TBC1D4: variants seen among roughly 807,000 people sequenced by gnomAD.
TBC1D4 encodes the protein TBC (Tre-2, BUB2, CDC16) domain-containing protein.
A neutral mutation model predicts 142.5 loss-of-function variants in TBC1D4; 121 were observed. The observed-to-expected ratio is 0.85, with a 90% CI of 0.73 to 0.99. The LOEUF is 0.99. Ranked by LOEUF, TBC1D4 falls within the 50% of genes least tolerant of loss-of-function variation. The pLI is 0.00. For synonymous variants in TBC1D4, 630 were observed against 628.2 expected (o/e 1.00, Z -0.04); for missense variants, 1,475 against 1,606.6 (o/e 0.92, Z 1.40).
At chr13:75,467,838 A>G (rs928674408) in intron 1 of TBC1D4, among the ~76,000 whole-genome samples, 16 of 152,226 alleles carry the variant, frequency 1.1e-4, no homozygotes, top group African/African-American at 3.9e-4. Flanking sequence ...TAAAATACAT[A>G]CAAGAGCAGT....
In TBC1D4 at chr13:75,285,474, G is replaced by A. The variant is rs1874580531; in HGVS notation, c.*1318C>T. The A allele has an allele frequency of 6.6e-6, 1 of 152,420 alleles. No individual in the cohort carries two copies. Among genetic ancestry groups the A allele is most frequent in the Non-Finnish European group, 1.5e-5 (1 of 68,044 alleles). 9.4% of individuals were successfully genotyped at this position (152,420 alleles called of 1,614,324 possible). On this transcript the variant is annotated 3_prime_UTR_variant, in exon 21 of 21. Transcript: ENST00000377636. ...CTATCATAGAATCATCTCTGAAAAAGAGAACTGCAAATGTACTTTGAAAAT... is the reference window on the plus strand; with the variant it reads ...CTATCATAGAATCATCTCTGAAAAAAAGAACTGCAAATGTACTTTGAAAAT...
intron 1 of TBC1D4, among the ~76,000 whole-genome samples, chr13:75,398,020 G>A (rs928413173): frequency 1.3e-5 from 2 of 152,188 alleles, no homozygotes; most frequent in African/African-American, 4.8e-5. Context: ...CTGTGAGGAA[G>A]GCCAAGCTTG....
chr13:75,418,206 C>A (rs185746673), intron 1 of TBC1D4, among the ~76,000 whole-genome samples: 3 of 152,144 alleles, frequency 2.0e-5, no homozygotes, highest in Non-Finnish European at 4.4e-5. Flanking sequence ...TTAACTCAGC[C>A]AGCAGGTGTT....
At chr13:75,332,431 C>CT (rs370681727) in intron 8 of TBC1D4, among the ~76,000 whole-genome samples, 18 of 152,320 alleles carry the variant, frequency 1.2e-4, no homozygotes, top group African/African-American at 4.3e-4. Context: ...CTGACACCTA[C>CT]TTAAATGGTC....
intron 1 of TBC1D4, among the ~76,000 whole-genome samples, chr13:75,459,853 T>C (rs1887888113): frequency 6.6e-6 from 1 of 152,114 alleles, no homozygotes; most frequent in Non-Finnish European, 1.5e-5. Flanking sequence ...ATATAAATAA[T>C]ACATATTGGC....
intron 5 of TBC1D4, 82 bp from the exon 6 acceptor site, chr13:75,341,669 C>A: frequency 9.2e-7 from 1 of 1,087,216 alleles, no homozygotes; most frequent in South Asian, 1.3e-5. Context: ...CACTTCACCT[C>A]TTCCCAAGCA....
intron 5 of TBC1D4, among the ~76,000 whole-genome samples, chr13:75,346,584 T>C (rs1881169863): frequency 6.6e-6 from 1 of 152,234 alleles, no homozygotes; most frequent in Non-Finnish European, 1.5e-5. Context: ...TCTTTGCTAG[T>C]GTGGATAGTG....
rs1416664150 is a variant in TBC1D4 at position 75,324,542 on chromosome 13, A to G, written c.2034-141T>C. The G allele has an allele frequency of 4.1e-6, 4 of 964,232 alleles. No individual in the cohort carries two copies. The African/African-American group carries it at 6.7e-5, about 16-fold the overall frequency. The allele number at this position is 964,232 out of a possible 1,614,324, so 59.7% of individuals were successfully genotyped here. A position where few individuals can be genotyped will look rare whatever the true frequency, so the allele number is the denominator to read the frequency against. On this transcript the variant is annotated intron_variant, in intron 10 of 20. Transcript: ENST00000377636. ...GCTCAGGGCTGGATCTTACATGAAA[A>G]AAAAAGAAGAAGCATGCAGTTCTCT...
At position 75,481,787 on chromosome 13, in the gene TBC1D4, C is replaced by A; in HGVS notation, c.-20G>T. 2 of 1,509,148 alleles carry A rather than the reference C, an allele frequency of 1.3e-6. No individual in the cohort carries two copies. The highest frequency in any genetic ancestry group is 1.8e-6 in the Non-Finnish European group (2 of 1,137,764). The allele number at this position is 1,509,148 out of a possible 1,614,324, so 93.5% of individuals were successfully genotyped here. A position where few individuals can be genotyped will look rare whatever the true frequency, so the allele number is the denominator to read the frequency against. On this transcript the variant is annotated 5_prime_UTR_variant, in exon 1 of 21. Coordinates refer to ENST00000377636, the MANE Select transcript of TBC1D4 (RefSeq NM_014832.5). ...CTCCATAACTCTCGCCTCACCAGGG[C>A]ACCGCGGAGGCCGGCCGGGCGCACC...
At chr13:75,430,850 C>T (rs1886568210) in intron 1 of TBC1D4, among the ~76,000 whole-genome samples, 1 of 152,166 alleles carries the variant, frequency 6.6e-6, no homozygotes, top group African/African-American at 2.4e-5. Context: ...AGCTCCATCC[C>T]TGAGTGTGTC....
At chr13:75,420,118 T>C (rs970707705) in intron 1 of TBC1D4, among the ~76,000 whole-genome samples, 5 of 152,148 alleles carry the variant, frequency 3.3e-5, no homozygotes, top group Non-Finnish European at 7.4e-5. Context: ...CCAAAGAAGA[T>C]TGGAGAGCCT....
intron 11 of TBC1D4, among the ~76,000 whole-genome samples, chr13:75,323,358 C>T (rs1878945466): frequency 6.6e-6 from 1 of 152,022 alleles, no homozygotes; most frequent in South Asian, 2.1e-4. Context: ...TACACAAAAA[C>T]AGGAATGAAT....
rs9600456 is a variant in TBC1D4 at position 75,292,518 on chromosome 13, T to A, written c.3317-247A>T. On this transcript the variant is annotated intron_variant, in intron 18 of 20. Transcript: ENST00000377636. ...AGGACAAAGTATATATCTCTGTCCA[T>A]GAACTACTTGTAATTTTTAATGCCA... Among the ~76,000 whole-genome samples, 45,372 of 152,002 alleles carry A rather than the reference T, an allele frequency of 0.3. 8,077 individuals are homozygous for A. The highest frequency in any genetic ancestry group is 0.38 in the Non-Finnish European group (25,889 of 67,926).
chr13:75,386,680 T>A (rs564245449), intron 1 of TBC1D4, among the ~76,000 whole-genome samples: 2 of 152,246 alleles, frequency 1.3e-5, no homozygotes, highest in East Asian at 3.9e-4. Flanking sequence ...CTATTTTCTT[T>A]CATGATACAT....
intron 1 of TBC1D4, among the ~76,000 whole-genome samples, chr13:75,413,041 G>T (rs1348470036): frequency 6.6e-6 from 1 of 152,170 alleles, no homozygotes; most frequent in African/African-American, 2.4e-5. Context: ...AAGAAAATGG[G>T]CAAGTACAGT....
chr13:75,355,673 G>A (rs1881984079), intron 4 of TBC1D4, among the ~76,000 whole-genome samples: 1 of 152,084 alleles, frequency 6.6e-6, no homozygotes, highest in Admixed American at 6.6e-5. Context: ...GAAAATTAAG[G>A]TTAAAGTAAG....
At chr13:75,347,876 C>CT (rs1318642613) in intron 5 of TBC1D4, among the ~76,000 whole-genome samples, 1 of 152,160 alleles carries the variant, frequency 6.6e-6, no homozygotes. Context: ...TGGCTCATGC[C>CT]TGTAATCTCA....
At chr13:75,344,463 C>G (rs1239856595) in intron 5 of TBC1D4, among the ~76,000 whole-genome samples, 1 of 152,152 alleles carries the variant, frequency 6.6e-6, no homozygotes, top group Non-Finnish European at 1.5e-5. Flanking sequence ...CTTCCTTCCT[C>G]CCAGCAACTG....
chr13:75,459,993 A>C (rs1374668870), intron 1 of TBC1D4, among the ~76,000 whole-genome samples: 1 of 152,032 alleles, frequency 6.6e-6, no homozygotes, highest in African/African-American at 2.4e-5. Context: ...ATACAAAAAA[A>C]TTAGCTGGGT....
Sources: allele counts gnomAD v4.1 joint callset (sites outside exome capture counted in the v4.1 genomes callset), GRCh38; gene constraint gnomAD v4.1.1; transcripts MANE v1.5; gene names NCBI Gene and HGNC (gene_info 2026-07-23, HGNC 2026-07-21).